Variants in ISG20 observed in about 807,000 individuals in gnomAD.
ISG20 encodes the protein interferon stimulated exonuclease gene 20.
A neutral mutation model predicts 11.1 loss-of-function variants in ISG20; 8 were observed. That is an observed-to-expected ratio of 0.72 (90% CI 0.42 to 1.30). The LOEUF (loss-of-function observed/expected upper bound fraction) is 1.30, where lower values mean the gene tolerates loss of function less well. ISG20 is among the 50% of genes most tolerant of loss of function. The pLI, the probability that ISG20 is intolerant of heterozygous loss-of-function variation, is 0.01. For synonymous variants in ISG20, 110 were observed against 101.7 expected, an observed-to-expected ratio of 1.08 and a Z score of -0.49; for missense variants, 243 against 250.2, an observed-to-expected ratio of 0.97 and a Z score of 0.19.
In ISG20 at chr15:88,655,585, G is replaced by A; in HGVS notation, c.*54G>A. 2 of 1,289,526 alleles carry A rather than the reference G, an allele frequency of 1.6e-6. No individual in the cohort carries two copies. Among genetic ancestry groups the A allele is most frequent in the Non-Finnish European group, 2.2e-6 (2 of 911,882 alleles). 79.9% of individuals were successfully genotyped at this position (1,289,526 alleles called of 1,614,324 possible). A position where few individuals can be genotyped will look rare whatever the true frequency, so the allele number is the denominator to read the frequency against. On this transcript the variant is annotated 3_prime_UTR_variant, in exon 4 of 4. Transcript: ENST00000306072. ...TAGAGGCTTTCGGCTTTTTGGGACA[G>A]CAACTACCTTGCTTTTGGAAAATAC... is the stretch of plus-strand genomic sequence containing the variant.
At chr15:88,636,686 GATTCACCACAATGGATT>G (rs1164493798), upstream of ISG20, among the ~76,000 whole-genome samples, 1 of 152,128 alleles carries the variant, frequency 6.6e-6, no homozygotes, top group Non-Finnish European at 1.5e-5. Flanking sequence ...CTACAGGTGT[GATTCACCACAATGGATT>G]ATTTTTTAAT....
intron 2 of ISG20, among the ~76,000 whole-genome samples, chr15:88,645,320 G>A (rs1036670282): frequency 2.0e-5 from 3 of 152,142 alleles, no homozygotes; most frequent in African/African-American, 7.2e-5. Flanking sequence ...CCCTAAGCGC[G>A]GTGCCTGGTT....
chr15:88,649,242 T>G (rs2058231013), intron 2 of ISG20: 1 of 152,412 alleles, frequency 6.6e-6, no homozygotes, highest in Admixed American at 6.5e-5. Flanking sequence ...GCTAAATAGA[T>G]GGTTCTGTTC....
chr15:88,652,014 C>G (rs59188950), intron 2 of ISG20, 96 bp from the exon 3 acceptor site: 1 of 1,567,132 alleles, frequency 6.4e-7, no homozygotes, highest in African/African-American at 1.4e-5. Flanking sequence ...CCCAAGGTCA[C>G]ACAGCCAGTC....
At position 88,652,280 on chromosome 15, in the gene ISG20, G is replaced by C; in HGVS notation, c.399G>C (p.Leu133=). The part of the protein sequence containing the change: ...DHCRRVSLRV[L]SERLLHKSIQ... Reference sequence around the variant, plus strand: ...GCAGGCGTGTCTCCCTGCGGGTGCTGAGTGAGCGCCTCCTACACAAGAGCA... The same window carrying C: ...GCAGGCGTGTCTCCCTGCGGGTGCTCAGTGAGCGCCTCCTACACAAGAGCA... The change falls in exon 3 of 4, where the codon CTG becomes CTC. Residue 133 remains leucine, a synonymous_variant. Transcript: ENST00000306072. The C allele has an allele frequency of 6.2e-7, 1 of 1,613,694 alleles. No individual in the cohort carries two copies. The highest frequency in any genetic ancestry group is 8.5e-7 in the Non-Finnish European group (1 of 1,179,838).
chr15:88,645,935 C>G (rs1431959670), intron 2 of ISG20, among the ~76,000 whole-genome samples: 2 of 152,212 alleles, frequency 1.3e-5, no homozygotes, highest in Non-Finnish European at 2.9e-5. Context: ...ACACAGGTGA[C>G]TTGAGAATGT....
rs780777381 is a variant in ISG20 at position 88,655,445 on chromosome 15, G to A, written c.460G>A (p.Asp154Asn). 6.2e-7 allele frequency: 1 copy of A among 1,614,104 alleles called. No homozygotes were observed. The highest frequency in any genetic ancestry group is 8.5e-7 in the Non-Finnish European group (1 of 1,180,018). ...NSLLGHSSVE[D>N]ARATMELYQI... is the part of the protein sequence containing the mutation. Reference sequence around the variant, plus strand: ...CCTGCTTGGACACAGCTCGGTGGAAGATGCGAGGGCAACGATGGAGCTCTA... The same window carrying A: ...CCTGCTTGGACACAGCTCGGTGGAAAATGCGAGGGCAACGATGGAGCTCTA... Residue 154 changes from aspartate (D) to asparagine (N), a missense_variant, in exon 4 of 4, where the codon GAT becomes AAT. By Grantham distance (23) the Asp-to-Asn change is conservative. Transcript: ENST00000306072.
chr15:88,650,283 T>G lies in ISG20; in HGVS notation c.229-1827T>G. 6.5e-7 allele frequency: 1 copy of G among 1,535,678 alleles called. No individual in the cohort carries two copies. The highest frequency in any genetic ancestry group is 8.7e-7 in the Non-Finnish European group (1 of 1,146,888). On this transcript the variant is annotated intron_variant, in intron 2 of 3. Transcript: ENST00000306072. The surrounding 1 kb of genome is among the most constrained non-coding windows in gnomAD (Gnocchi z 4.0). The stretch of plus-strand genomic sequence containing the variant: ...GGCAGCTGAGTGAAAGCAAGCTGAC[T>G]GGCCTGTGTGACCAGAGCAGGGCAG...
rs749716328 is a variant in ISG20, at chr15:88,639,617, G to C, written c.228+23G>C. ...GAGGTGAGTGAAGGCCCGGCCAGCAGGGGCTTTGGAAATAACCCCTCTCCC... is the reference window on the plus strand; with the variant it reads ...GAGGTGAGTGAAGGCCCGGCCAGCACGGGCTTTGGAAATAACCCCTCTCCC... On this transcript the variant is annotated intron_variant, in intron 2 of 3. Transcript: ENST00000306072. The surrounding 1 kb of genome is among the most constrained non-coding windows in gnomAD (Gnocchi z 4.2). 6.3e-7 allele frequency: 1 copy of C among 1,595,848 alleles called. No individual in the cohort carries two copies. The highest frequency in any genetic ancestry group is 8.6e-7 in the Non-Finnish European group (1 of 1,164,076).
Position 88,650,399 on chromosome 15 carries a change from A to T in ISG20, c.229-1711A>T, listed in dbSNP as rs958124858. On this transcript the variant is annotated intron_variant, in intron 2 of 3. Coordinates refer to ENST00000306072, the MANE Select transcript of ISG20 (RefSeq NM_002201.6). This position sits in a 1 kb window ranked among gnomAD's most constrained non-coding sequence, Gnocchi z 4.0. ...TGCTGGAGGCCTGGAGTGGTCGTTCACTCTTCTGGCTCAGTGTGGCAGTGG... is the reference window on the plus strand; with the variant it reads ...TGCTGGAGGCCTGGAGTGGTCGTTCTCTCTTCTGGCTCAGTGTGGCAGTGG... 2 of 1,520,992 alleles carry T rather than the reference A, an allele frequency of 1.3e-6. No homozygotes were observed. The highest frequency in any genetic ancestry group is 1.8e-6 in the Non-Finnish European group (2 of 1,139,626). 94.2% of individuals were successfully genotyped at this position (1,520,992 alleles called of 1,614,324 possible).
At chr15:88,651,355 T>G in intron 2 of ISG20, 47 of 918,270 alleles carry the variant, frequency 5.1e-5, no homozygotes, top group Non-Finnish European at 5.7e-5. Flanking sequence ...CACAGATGTC[T>G]TCTCTTACAG....
chr15:88,640,959 T>C (rs559076548), intron 2 of ISG20, among the ~76,000 whole-genome samples: 2 of 143,646 alleles, frequency 1.4e-5, no homozygotes, highest in African/African-American at 5.1e-5. Flanking sequence ...AAAAAAAAAG[T>C]TAACTGTTTT....
chr15:88,643,305 G>A lies in ISG20; in HGVS notation c.228+3711G>A, dbSNP rs909323322. ...TCAATAACTTTTATATTGATTACCT[G>A]TTGAAATGATAGTATTTTGGATATG... On this transcript the variant is annotated intron_variant, in intron 2 of 3. Transcript: ENST00000306072. The surrounding 1 kb of genome is among the most constrained non-coding windows in gnomAD (Gnocchi z 4.4). Among the ~76,000 whole-genome samples the A allele has an allele frequency of 6.6e-6, 1 of 152,162 alleles. No individual in the cohort carries two copies. The highest frequency in any genetic ancestry group is 1.5e-5 in the Non-Finnish European group (1 of 68,028).
chr15:88,646,447 C>T (rs2058174108), intron 2 of ISG20, among the ~76,000 whole-genome samples: 2 of 152,158 alleles, frequency 1.3e-5, no homozygotes, highest in Admixed American at 1.3e-4. Flanking sequence ...TGAATGCACT[C>T]TATAAATGCT....
Position 88,650,307 on chromosome 15 carries a change from AGG to A in ISG20, c.229-1802_229-1801del, listed in dbSNP as rs2058252033. ...CTGGCCTGTGTGACCAGAGCAGGGCAGGCTGTCCATGTGGGAGGCGAGGCGAG... is the reference window on the plus strand; with the variant it reads ...CTGGCCTGTGTGACCAGAGCAGGGCACTGTCCATGTGGGAGGCGAGGCGAG... On this transcript the variant is annotated intron_variant, in intron 2 of 3. Transcript: ENST00000306072. The surrounding 1 kb of genome is among the most constrained non-coding windows in gnomAD (Gnocchi z 4.0). 1.3e-6 allele frequency: 2 copies of A among 1,535,682 alleles called. No homozygotes were observed. The highest frequency in any genetic ancestry group is 1.7e-6 in the Non-Finnish European group (2 of 1,146,876).
intron 3 of ISG20, among the ~76,000 whole-genome samples, chr15:88,654,103 A>T (rs1182623161): frequency 1.3e-5 from 2 of 152,156 alleles, no homozygotes; most frequent in Non-Finnish European, 2.9e-5. Flanking sequence ...GTCTGATTCC[A>T]AATCCGGGGC....
chr15:88,637,547 A>G (rs11073795), upstream of ISG20: 83,993 of 152,058 alleles, frequency 0.55, 23,600 homozygotes, highest in East Asian at 0.61. Flanking sequence ...CTAGGGTAGG[A>G]CTTCCACAGG....
intron 3 of ISG20, 31 bp downstream of exon 3, chr15:88,652,341 CCCCTCCT>C: frequency 1.7e-6 from 2 of 1,190,704 alleles, no homozygotes; most frequent in Non-Finnish European, 2.3e-6. Context: ...CTCCTCCTCC[CCCCTCCT>C]CCCCCTCCTC....
upstream of ISG20, chr15:88,638,707 T>C (rs1167508671): frequency 6.5e-6 from 1 of 154,530 alleles, no homozygotes; most frequent in Admixed American, 6.4e-5. Flanking sequence ...GTTTATTCTC[T>C]GGGCGGAGGG....
Sources: allele counts gnomAD v4.1 joint callset (sites outside exome capture counted in the v4.1 genomes callset), GRCh38; gene constraint gnomAD v4.1.1; non-coding constraint Gnocchi (gnomAD v3.1); transcripts MANE v1.5; gene names NCBI Gene and HGNC (gene_info 2026-07-23, HGNC 2026-07-21).